The following EPS15 variants were observed in gnomAD, a reference collection of about 807,000 sequenced individuals.
The protein encoded by EPS15 is epidermal growth factor receptor substrate 15.
EPS15 carries 72 observed loss-of-function variants against 113.8 expected under a neutral mutation model. That is an observed-to-expected ratio of 0.63 (90% CI 0.52 to 0.77). The LOEUF (loss-of-function observed/expected upper bound fraction) is 0.77, where lower values mean the gene tolerates loss of function less well. Ranked by LOEUF, EPS15 falls within the 30% of genes least tolerant of loss-of-function variation. The pLI, the probability that EPS15 is intolerant of heterozygous loss-of-function variation, is 0.00. For missense variants in EPS15, 1,048 were observed against 1,045.8 expected (o/e 1.00, Z -0.03); for synonymous variants, 344 against 363.4 (o/e 0.95, Z 0.61).
intron 24 of EPS15, among the ~76,000 whole-genome samples, chr1:51,359,838 G>A (rs554921378): frequency 6.6e-6 from 1 of 151,688 alleles, no homozygotes; most frequent in East Asian, 1.9e-4. Flanking sequence ...TCATAGTCAA[G>A]AGAAGCCACC....
At position 51,399,049 on chromosome 1, in the gene EPS15, T is replaced by C. The variant is rs754413663; in HGVS notation, c.2035A>G (p.Asn679Asp). 6.2e-7 allele frequency: 1 copy of C among 1,613,818 alleles called. No homozygotes were observed. Among genetic ancestry groups the C allele is most frequent in the Non-Finnish European group, 8.5e-7 (1 of 1,179,836 alleles). Residue 679 changes from asparagine to aspartate, a missense_variant, in exon 20 of 25, where the codon AAT (asparagine) becomes GAT (aspartate). By Grantham distance (23) the Asn-to-Asp change is conservative (BLOSUM62 1). Transcript: ENST00000371733. The part of the protein sequence containing the change: ...SSTDPFSAAN[N>D]SSITSVETLK... ...CCACTTACCGATGTAATACTGCTAT[T>C]GTTGGCTGCACTGAAAGGGTCAGTG...
At chr1:51,470,708 A>C (rs1284811205) in intron 4 of EPS15, among the ~76,000 whole-genome samples, 1 of 151,800 alleles carries the variant, frequency 6.6e-6, no homozygotes, top group Non-Finnish European at 1.5e-5. Flanking sequence ...TTAACTGCAG[A>C]CTCATAAATC....
intron 21 of EPS15, among the ~76,000 whole-genome samples, chr1:51,384,646 T>C (rs1193654588): frequency 6.6e-6 from 1 of 152,052 alleles, no homozygotes; most frequent in African/African-American, 2.4e-5. Context: ...CCCAAAGCAG[T>C]CTTAAAAAGG....
At chr1:51,489,939 T>C (rs1644200989) in intron 1 of EPS15, among the ~76,000 whole-genome samples, 1 of 152,170 alleles carries the variant, frequency 6.6e-6, no homozygotes, top group African/African-American at 2.4e-5. Context: ...AGGAAGCCTA[T>C]AACGTGAAAA....
At chr1:51,507,419 T>C (rs955496685) in intron 1 of EPS15, among the ~76,000 whole-genome samples, 2 of 151,986 alleles carry the variant, frequency 1.3e-5, no homozygotes, top group African/African-American at 4.8e-5. Flanking sequence ...TCCCAGCACT[T>C]TGGGAGGCTG....
At chr1:51,394,764 T>C (rs1647758314) in intron 20 of EPS15, among the ~76,000 whole-genome samples, 1 of 152,258 alleles carries the variant, frequency 6.6e-6, no homozygotes, top group Non-Finnish European at 1.5e-5. Flanking sequence ...GAAGTCTTCA[T>C]GTGTCCCTCT....
chr1:51,458,539 C>T (rs1350024224), intron 8 of EPS15: 1 of 444,338 alleles, frequency 2.3e-6, no homozygotes, highest in Admixed American at 2.4e-5. Flanking sequence ...GAGCTCGAGA[C>T]CAGTCTGGCA....
intron 11 of EPS15, among the ~76,000 whole-genome samples, chr1:51,441,065 T>A (rs1310611719): frequency 6.6e-6 from 1 of 152,108 alleles, no homozygotes; most frequent in African/African-American, 2.4e-5. Flanking sequence ...ACAAAATTGG[T>A]CTCTGAATGG....
intron 16 of EPS15, 150 bp downstream of exon 16, chr1:51,405,755 G>A (rs1447265746): frequency 7.9e-6 from 5 of 633,180 alleles, no homozygotes; most frequent in Non-Finnish European, 1.4e-5. Context: ...ACGTACAATT[G>A]TTTGGATTAG....
intron 1 of EPS15, among the ~76,000 whole-genome samples, chr1:51,500,084 G>A (rs1166767123): frequency 6.6e-6 from 1 of 152,108 alleles, no homozygotes; most frequent in East Asian, 1.9e-4. Context: ...TTAGCATAAC[G>A]TCTTTAAGAT....
At chr1:51,475,048 A>G (rs1420413715) in intron 2 of EPS15, among the ~76,000 whole-genome samples, 17 of 152,250 alleles carry the variant, frequency 1.1e-4, no homozygotes, top group Non-Finnish European at 2.4e-4. Context: ...TCCATGTTGT[A>G]TAAGTGCCAC....
chr1:51,474,995 T>C (rs1655556180), intron 2 of EPS15, among the ~76,000 whole-genome samples: 2 of 152,162 alleles, frequency 1.3e-5, no homozygotes, highest in Non-Finnish European at 2.9e-5. Flanking sequence ...TCCACATCCC[T>C]ACAAAGGACA....
intron 8 of EPS15, among the ~76,000 whole-genome samples, chr1:51,448,467 C>T (rs2148483864): frequency 6.6e-6 from 1 of 151,700 alleles, no homozygotes; most frequent in East Asian, 1.9e-4. Context: ...TATAGAGCTC[C>T]TAAAAATTAA....
At chr1:51,361,674 A>C (rs1646389840) in intron 23 of EPS15, among the ~76,000 whole-genome samples, 1 of 152,130 alleles carries the variant, frequency 6.6e-6, no homozygotes, top group African/African-American at 2.4e-5. Context: ...TCCCAAAAGG[A>C]GAGACGAATG....
chr1:51,505,253 A>C (rs1221418813), intron 1 of EPS15, among the ~76,000 whole-genome samples: 2 of 152,220 alleles, frequency 1.3e-5, no homozygotes, highest in Non-Finnish European at 2.9e-5. Context: ...AGCATTATTC[A>C]TAACAGCCAA....
chr1:51,505,768 A>G (rs1006011989), intron 1 of EPS15, among the ~76,000 whole-genome samples: 3 of 152,096 alleles, frequency 2.0e-5, no homozygotes, highest in African/African-American at 7.2e-5. Flanking sequence ...AAAAGTAAAC[A>G]ATGTTTAAAT....
At chr1:51,519,178 C>T in intron 1 of EPS15, 21 bp downstream of exon 1, 2 of 1,429,226 alleles carry the variant, frequency 1.4e-6, no homozygotes, top group Non-Finnish European at 9.2e-7. Context: ...CCAAGCCCGG[C>T]GGACGGGCGT....
At chr1:51,427,823 T>G (rs984950828) in intron 12 of EPS15, among the ~76,000 whole-genome samples, 1 of 152,162 alleles carries the variant, frequency 6.6e-6, no homozygotes, top group Non-Finnish European at 1.5e-5. Flanking sequence ...AAAACAGCAG[T>G]AAGAAGCAGA....
chr1:51,406,755 A>C (rs1649171450), intron 15 of EPS15, among the ~76,000 whole-genome samples: 1 of 152,216 alleles, frequency 6.6e-6, no homozygotes, highest in Non-Finnish European at 1.5e-5. Flanking sequence ...TGGGACAAGA[A>C]CTGTGCTAAA....
Sources: allele counts gnomAD v4.1 joint callset (sites outside exome capture counted in the v4.1 genomes callset), GRCh38; gene constraint gnomAD v4.1.1; transcripts MANE v1.5; gene names NCBI Gene and HGNC (gene_info 2026-07-23, HGNC 2026-07-21).